ATG7: variants seen among roughly 807,000 people sequenced by gnomAD.
ATG7 encodes the protein autophagy related 7.
Under a neutral mutation model 82.4 loss-of-function variants are expected in ATG7, and 70 were observed. The observed-to-expected ratio is 0.85, with a 90% CI of 0.70 to 1.04. The LOEUF (loss-of-function observed/expected upper bound fraction) is 1.04. Ranked by LOEUF, ATG7 falls within the 50% of genes least tolerant of loss-of-function variation. ATG7 has a pLI of 0.00. For missense variants in ATG7, 792 were observed against 864.3 expected (o/e 0.92, Z 1.05); for synonymous variants, 287 against 313.0 (o/e 0.92, Z 0.88).
At chr3:11,308,068 T>C (rs920943840) in intron 6 of ATG7, among the ~76,000 whole-genome samples, 1 of 152,170 alleles carries the variant, frequency 6.6e-6, no homozygotes, top group African/African-American at 2.4e-5. Flanking sequence ...AGAATTCTCC[T>C]AGCAGCTTCT....
chr3:11,493,842 T>C (rs898019648), intron 20 of ATG7, among the ~76,000 whole-genome samples: 1 of 152,206 alleles, frequency 6.6e-6, no homozygotes, highest in Non-Finnish European at 1.5e-5. Context: ...GTTAAACTTC[T>C]AGAAGTTGAA....
chr3:11,299,264 G>C (rs1365887577), intron 4 of ATG7, 98 bp from the exon 5 acceptor site: 2 of 1,225,518 alleles, frequency 1.6e-6, no homozygotes, highest in Non-Finnish European at 2.4e-6. Context: ...GGGGCGCCTT[G>C]GGCTCAACAA....
chr3:11,454,433 T>C (rs534503955), intron 20 of ATG7, among the ~76,000 whole-genome samples: 1 of 152,310 alleles, frequency 6.6e-6, no homozygotes, highest in African/African-American at 2.4e-5. Context: ...TTTGACGGCA[T>C]GAGTCTGGGC....
intron 9 of ATG7, among the ~76,000 whole-genome samples, chr3:11,315,741 G>C (rs1194596711): frequency 6.6e-6 from 1 of 151,592 alleles, no homozygotes; most frequent in East Asian, 1.9e-4. Context: ...TTGTTTGTTT[G>C]TTTGAGATGG....
At chr3:11,301,146 G>A (rs773350080) in intron 5 of ATG7, among the ~76,000 whole-genome samples, 1 of 152,182 alleles carries the variant, frequency 6.6e-6, no homozygotes, top group Non-Finnish European at 1.5e-5. Flanking sequence ...CTTTCTGGAG[G>A]GAAAGAGAAA....
chr3:11,559,482 T>C (rs2072767673), downstream of ATG7: 1 of 1,533,280 alleles, frequency 6.5e-7, no homozygotes, highest in African/African-American at 1.4e-5. Flanking sequence ...TGTCAGTATG[T>C]GGAGACCAGC....
rs752524200 is a variant in ATG7 at position 11,298,735 on chromosome 3, C to G, written c.40C>G (p.Gln14Glu). 188 of 1,614,070 alleles carry G rather than the reference C, an allele frequency of 1.2e-4. No individual in the cohort carries two copies. Among genetic ancestry groups the G allele is most frequent in the Non-Finnish European group, 1.3e-4 (150 of 1,180,042 alleles). The change falls in exon 4 of 21, where the codon CAG becomes GAG. Residue 14 changes from glutamine (Q) to glutamate (E), a missense_variant. By Grantham distance (29) the Gln-to-Glu change is conservative. Coordinates refer to ENST00000693202, the MANE Select transcript of ATG7 (RefSeq NM_001349232.2). The stretch of plus-strand genomic sequence containing the variant: ...GGGGGATCCTGGACTCTCTAAACTG[C>G]AGTTTGCCCCTTTTAGTAGTGCCTT... ...ATGDPGLSKL[Q>E]FAPFSSALDV...
intron 3 of ATG7, among the ~76,000 whole-genome samples, chr3:11,289,276 C>T (rs1216384091): frequency 6.6e-6 from 1 of 152,194 alleles, no homozygotes; most frequent in Non-Finnish European, 1.5e-5. Flanking sequence ...ATGAATAACT[C>T]TGTCTATGAC....
intron 19 of ATG7, among the ~76,000 whole-genome samples, chr3:11,391,966 G>GA (rs1553640475): frequency 2.2e-5 from 3 of 138,478 alleles, no homozygotes; most frequent in East Asian, 2.4e-4. Context: ...ATTGGGGGGG[G>GA]GGTAATTTCA....
chr3:11,558,463 C>G, downstream of ATG7: 1 of 1,184,536 alleles, frequency 8.4e-7, no homozygotes, highest in Non-Finnish European at 1.1e-6. Flanking sequence ...TTCCCCCCAC[C>G]CCACCCCCAT....
intron 19 of ATG7, among the ~76,000 whole-genome samples, chr3:11,388,758 A>G (rs1334636612): frequency 6.6e-6 from 1 of 151,728 alleles, no homozygotes; most frequent in Non-Finnish European, 1.5e-5. Context: ...CATATAGTAC[A>G]TTCATCTTCA....
intron 14 of ATG7, among the ~76,000 whole-genome samples, chr3:11,351,074 C>T (rs1490117981): frequency 6.6e-6 from 1 of 151,994 alleles, no homozygotes; most frequent in East Asian, 1.9e-4. Context: ...AAATCCTAGT[C>T]ATTGTCAGTG....
intron 20 of ATG7, among the ~76,000 whole-genome samples, chr3:11,429,748 G>A (rs546951426): frequency 6.6e-6 from 1 of 151,744 alleles, no homozygotes; most frequent in East Asian, 2.0e-4. Flanking sequence ...AGGAGTTTGA[G>A]ACCAGCCTGG....
chr3:11,364,581 T>A lies in ATG7; in HGVS notation c.1800-78T>A, dbSNP rs2076475906. The A allele has an allele frequency of 1.1e-5, 16 of 1,489,428 alleles. No individual in the cohort carries two copies. In the South Asian group the frequency reaches 1.8e-4, roughly 17 times the overall value. 92.3% of individuals were successfully genotyped at this position (1,489,428 alleles called of 1,614,324 possible). On this transcript the variant is annotated intron_variant, in intron 17 of 20. Coordinates refer to ENST00000693202, the MANE Select transcript of ATG7 (RefSeq NM_001349232.2). ...ATTTTAGTTATCCTTATGAATCTTA[T>A]GTAGATTTCTGCTAGATCATCCTCC... is the stretch of plus-strand genomic sequence containing the variant.
In ATG7 at chr3:11,472,017, G is replaced by A. The variant is rs938019064; in HGVS notation, c.2079+45091G>A. The stretch of plus-strand genomic sequence containing the variant: ...CTCCCAAAGTGCTGGGATTACAGGC[G>A]TGAGCCACCACACCTAGCCTTTTTC... On this transcript the variant is annotated intron_variant, in intron 20 of 20. Coordinates refer to ENST00000693202, the MANE Select transcript of ATG7 (RefSeq NM_001349232.2). Among the ~76,000 whole-genome samples the A allele has an allele frequency of 6.6e-5, 10 of 151,986 alleles. No homozygotes were observed. The East Asian group carries it at 1.5e-3, about 23-fold the overall frequency.
intron 20 of ATG7, among the ~76,000 whole-genome samples, chr3:11,541,961 T>C (rs2070868165): frequency 6.6e-6 from 1 of 152,236 alleles, no homozygotes. Flanking sequence ...GCCACAAAAA[T>C]CACCCTGTAT....
At chr3:11,364,993 T>C (rs2076505963) in intron 18 of ATG7, among the ~76,000 whole-genome samples, 1 of 152,078 alleles carries the variant, frequency 6.6e-6, no homozygotes, top group South Asian at 2.1e-4. Context: ...CATAATGCAA[T>C]AGGAACAGAA....
chr3:11,279,256 C>G (rs1942538527), intron 1 of ATG7, among the ~76,000 whole-genome samples: 1 of 152,208 alleles, frequency 6.6e-6, no homozygotes, highest in South Asian at 2.1e-4. Flanking sequence ...CAGAGATGCT[C>G]AACATTCTGC....
intron 13 of ATG7, among the ~76,000 whole-genome samples, chr3:11,344,551 A>G (rs1338944196): frequency 6.6e-6 from 1 of 152,156 alleles, no homozygotes; most frequent in Non-Finnish European, 1.5e-5. Context: ...CTTGAATTCA[A>G]TTAGTAATGT....
Sources: gnomAD v4.1 joint callset for allele counts (sites outside exome capture counted in the v4.1 genomes callset) on GRCh38, gnomAD v4.1.1 for gene constraint, MANE v1.5 for transcripts, NCBI Gene and HGNC (gene_info 2026-07-23, HGNC 2026-07-21) for gene names.